The following DLG2 variants were observed in gnomAD, a reference collection of about 807,000 sequenced individuals.
The protein encoded by DLG2 is disks large homolog 2.
Under a neutral mutation model 132.5 loss-of-function variants are expected in DLG2, and 45 were observed. That is an observed-to-expected ratio of 0.34 (90% CI 0.27 to 0.44). The LOEUF is 0.44. Ranked by LOEUF, DLG2 falls within the 20% of genes least tolerant of loss-of-function variation. The probability of loss-of-function intolerance (pLI) is 1.00; values close to 1 mark genes in which losing one functional copy is unlikely to be tolerated. For missense variants in DLG2, 1,045 were observed against 1,196.9 expected (o/e 0.87, Z 1.87); for synonymous variants, 424 against 419.6 (o/e 1.01, Z -0.13).
At chr11:83,604,971 T>C (rs1370923384) in intron 19 of DLG2, among the ~76,000 whole-genome samples, 1 of 148,490 alleles carries the variant, frequency 6.7e-6, no homozygotes, top group African/African-American at 2.5e-5. Flanking sequence ...TTAGGTGCCA[T>C]ATAATCAAAC....
chr11:84,691,717 G>A (rs1237319574), intron 6 of DLG2, among the ~76,000 whole-genome samples: 5 of 151,054 alleles, frequency 3.3e-5, no homozygotes, highest in Non-Finnish European at 5.9e-5. Flanking sequence ...ATGTATATAC[G>A]TGTTACTTTT....
intron 6 of DLG2, among the ~76,000 whole-genome samples, chr11:85,002,647 C>A (rs775148775): frequency 3.9e-5 from 6 of 152,094 alleles, no homozygotes; most frequent in Non-Finnish European, 7.4e-5. Flanking sequence ...TGTTTACAAC[C>A]AGATGGGTGC....
intron 6 of DLG2, among the ~76,000 whole-genome samples, chr11:84,620,155 A>C (rs2099611392): frequency 6.6e-6 from 1 of 151,768 alleles, no homozygotes; most frequent in Non-Finnish European, 1.5e-5. Flanking sequence ...AGAATACAGA[A>C]CATAGAAACA....
chr11:84,926,198 A>C (rs529277822), intron 6 of DLG2, among the ~76,000 whole-genome samples: 5 of 152,122 alleles, frequency 3.3e-5, no homozygotes, highest in African/African-American at 1.2e-4. Context: ...TTAAGAAAAA[A>C]CATAAAAGTT....
chr11:84,777,311 A>G (rs925077596), intron 6 of DLG2, among the ~76,000 whole-genome samples: 1 of 130,870 alleles, frequency 7.6e-6, no homozygotes, highest in African/African-American at 3.0e-5. Context: ...ATATATATAT[A>G]TATATATATA....
At chr11:85,586,054 C>T (rs2078948147) in intron 3 of DLG2, among the ~76,000 whole-genome samples, 1 of 152,110 alleles carries the variant, frequency 6.6e-6, no homozygotes, top group South Asian at 2.1e-4. Flanking sequence ...TTAAACCATC[C>T]CTGCATCCTG....
intron 14 of DLG2, among the ~76,000 whole-genome samples, chr11:83,943,700 G>T (rs1309976325): frequency 6.6e-6 from 1 of 152,194 alleles, no homozygotes. Context: ...CAAAATTAAA[G>T]CAAATTTACA....
intron 11 of DLG2, among the ~76,000 whole-genome samples, chr11:84,048,139 T>G (rs1215055074): frequency 6.6e-6 from 1 of 151,014 alleles, no homozygotes; most frequent in Non-Finnish European, 1.5e-5. Context: ...AAATATGGTG[T>G]CCTTCATTTA....
chr11:84,576,414 A>G (rs1317724583), intron 6 of DLG2, among the ~76,000 whole-genome samples: 1 of 152,220 alleles, frequency 6.6e-6, no homozygotes, highest in African/African-American at 2.4e-5. Context: ...GCAGAAGTGA[A>G]GCTGATTAAT....
At chr11:85,117,609 T>G in intron 5 of DLG2, among the ~76,000 whole-genome samples, 1 of 14,428 alleles carries the variant, frequency 6.9e-5, no homozygotes, top group Admixed American at 6.5e-4. Flanking sequence ...AATAGGTAAA[T>G]AGAAAAAAAA....
Position 84,200,757 on chromosome 11 carries a change from T to C in DLG2, c.574-37246A>G, listed in dbSNP as rs7114057. ...GATTTGGCTTTCTGCTTGCCTGTTG[T>C]CGGTTTAAAGGAATGCTAGTGAATT... On this transcript the variant is annotated intron_variant, in intron 8 of 27. Coordinates refer to ENST00000376104, the MANE Select transcript of DLG2 (RefSeq NM_001142699.3). Among the ~76,000 whole-genome samples the C allele has an allele frequency of 1.2e-4, 18 of 152,212 alleles. No individual in the cohort carries two copies. In the South Asian group the frequency reaches 3.1e-3, roughly 26 times the overall value.
chr11:83,710,905 A>C (rs2085264348), intron 18 of DLG2, among the ~76,000 whole-genome samples: 1 of 152,220 alleles, frequency 6.6e-6, no homozygotes, highest in Admixed American at 6.5e-5. Context: ...AATCATTTGT[A>C]ATACTAATAA....
At chr11:84,280,468 C>A (rs766790462) in intron 7 of DLG2, among the ~76,000 whole-genome samples, 5 of 151,618 alleles carry the variant, frequency 3.3e-5, no homozygotes, top group Non-Finnish European at 4.4e-5. Context: ...AGTGTTTTGC[C>A]ATGTTGGCTA....
chr11:84,777,230 C>CT (rs1378126289), intron 6 of DLG2, among the ~76,000 whole-genome samples: 4 of 53,760 alleles, frequency 7.4e-5, no homozygotes, highest in Non-Finnish European at 1.4e-4. Flanking sequence ...TAATTTCATT[C>CT]TTTTTGCTGT....
intron 6 of DLG2, among the ~76,000 whole-genome samples, chr11:85,110,451 C>G (rs576609594): frequency 6.6e-6 from 1 of 151,810 alleles, no homozygotes; most frequent in South Asian, 2.1e-4. Flanking sequence ...ACAGAAAAAC[C>G]ACATCCTTTC....
intron 6 of DLG2, among the ~76,000 whole-genome samples, chr11:84,919,210 G>A (rs1021994808): frequency 2.0e-5 from 3 of 152,038 alleles, no homozygotes; most frequent in African/African-American, 7.2e-5. Context: ...TATTACTATA[G>A]TCTAAGAACT....
At chr11:85,196,801 T>C (rs1469352102) in intron 4 of DLG2, among the ~76,000 whole-genome samples, 1 of 152,200 alleles carries the variant, frequency 6.6e-6, no homozygotes, top group Non-Finnish European at 1.5e-5. Flanking sequence ...ATGTGGAAAG[T>C]AGCTTTTTCT....
chr11:84,800,805 T>C (rs2075276187), intron 6 of DLG2: 1 of 152,258 alleles, frequency 6.6e-6, no homozygotes, highest in Non-Finnish European at 1.5e-5. Context: ...AACAATTTTA[T>C]GCACAGAATA....
intron 2 of DLG2, among the ~76,000 whole-genome samples, chr11:85,622,486 C>A (rs1278604360): frequency 6.6e-6 from 1 of 151,386 alleles, no homozygotes; most frequent in Non-Finnish European, 1.5e-5. Flanking sequence ...CAGAGTATAC[C>A]CGATAACAAA....
Sources: gnomAD v4.1 joint callset for allele counts (sites outside exome capture counted in the v4.1 genomes callset) on GRCh38, gnomAD v4.1.1 for gene constraint, MANE v1.5 for transcripts, NCBI Gene and HGNC (gene_info 2026-07-23, HGNC 2026-07-21) for gene names.